EBF2: variants seen among roughly 807,000 people sequenced by gnomAD.
EBF2 encodes EBF transcription factor 2, also known as transcription factor COE2.
Under a neutral mutation model 72.8 loss-of-function variants are expected in EBF2, and 21 were observed. The observed-to-expected ratio is 0.29, with a 90% CI of 0.20 to 0.42. The LOEUF (loss-of-function observed/expected upper bound fraction) is 0.42. Ranked by LOEUF, EBF2 falls within the 10% of genes least tolerant of loss-of-function variation. The pLI, the probability that EBF2 is intolerant of heterozygous loss-of-function variation, is 1.00. For synonymous variants in EBF2, 299 were observed against 274.2 expected (o/e 1.09, Z -0.89); for missense variants, 637 against 731.2 (o/e 0.87, Z 1.49).
chr8:25,866,897 G>A (rs148759746), intron 10 of EBF2, among the ~76,000 whole-genome samples: 1 of 151,850 alleles, frequency 6.6e-6, no homozygotes, highest in African/African-American at 2.4e-5. Context: ...CTCCCAAAGC[G>A]CTGGGATTAC....
chr8:25,863,781 A>G (rs116949886), intron 10 of EBF2, among the ~76,000 whole-genome samples: 1 of 152,294 alleles, frequency 6.6e-6, no homozygotes, highest in East Asian at 1.9e-4. Context: ...GTAAAAAATT[A>G]CCATAAACCC....
intron 6 of EBF2, among the ~76,000 whole-genome samples, chr8:25,931,535 A>G (rs1160044762): frequency 6.6e-6 from 1 of 152,216 alleles, no homozygotes; most frequent in Middle Eastern, 3.2e-3. Context: ...CCTTTGATGA[A>G]TGTGGACAAA....
intron 7 of EBF2, among the ~76,000 whole-genome samples, chr8:25,891,206 AGGGGTG>A (rs1802773147): frequency 6.6e-6 from 1 of 152,170 alleles, no homozygotes; most frequent in Admixed American, 6.5e-5. Flanking sequence ...ACTGCAGATC[AGGGGTG>A]GGGGAGAAGC....
At chr8:25,861,288 G>A in intron 12 of EBF2, 21 bp downstream of exon 12, 2 of 1,614,036 alleles carry the variant, frequency 1.2e-6, no homozygotes, top group East Asian at 2.2e-5. Context: ...CTCAATAAAG[G>A]ATAGGATGTC....
intron 6 of EBF2, among the ~76,000 whole-genome samples, chr8:25,976,952 T>A (rs1804278161): frequency 6.6e-6 from 1 of 152,206 alleles, no homozygotes; most frequent in Admixed American, 6.5e-5. Flanking sequence ...CATGTTCTCT[T>A]GAGTTGCAGC....
intron 6 of EBF2, among the ~76,000 whole-genome samples, chr8:25,974,222 G>A (rs1226222134): frequency 6.6e-6 from 1 of 152,104 alleles, no homozygotes; most frequent in Non-Finnish European, 1.5e-5. Context: ...AGATGGAGTG[G>A]GCAAAACCAG....
chr8:26,020,181 A>C (rs1805182607), intron 6 of EBF2, among the ~76,000 whole-genome samples: 1 of 152,234 alleles, frequency 6.6e-6, no homozygotes, highest in Non-Finnish European at 1.5e-5. Context: ...AGAAGCCACC[A>C]TAAAAATAGA....
intron 6 of EBF2, among the ~76,000 whole-genome samples, chr8:25,971,904 C>A (rs1804196516): frequency 6.6e-6 from 1 of 152,178 alleles, no homozygotes; most frequent in African/African-American, 2.4e-5. Context: ...CCTCCAAGAA[C>A]CCTGGGCTGC....
intron 6 of EBF2, among the ~76,000 whole-genome samples, chr8:26,001,555 T>C (rs770484788): frequency 1.3e-5 from 2 of 152,140 alleles, no homozygotes; most frequent in Admixed American, 6.5e-5. Context: ...TATTTGCTTT[T>C]TTTTTTGTTT....
At chr8:25,852,799 T>G (rs896782921) in intron 14 of EBF2, among the ~76,000 whole-genome samples, 3 of 152,238 alleles carry the variant, frequency 2.0e-5, no homozygotes, top group Non-Finnish European at 4.4e-5. Context: ...TGAAAGGAAT[T>G]TTAATTTGTG....
intron 6 of EBF2, among the ~76,000 whole-genome samples, chr8:25,928,900 C>G (rs1803435182): frequency 6.6e-6 from 1 of 151,768 alleles, no homozygotes; most frequent in Admixed American, 6.6e-5. Context: ...CAAGGAGTTC[C>G]TACTTGCTAC....
chr8:25,979,785 CAA>C (rs1017844078), intron 6 of EBF2, among the ~76,000 whole-genome samples: 2 of 151,852 alleles, frequency 1.3e-5, no homozygotes, highest in African/African-American at 4.8e-5. Flanking sequence ...CATATGTCAC[CAA>C]AATAAAAACC....
At chr8:25,918,811 G>A (rs1564917) in intron 6 of EBF2, among the ~76,000 whole-genome samples, 81,028 of 151,982 alleles carry the variant, frequency 0.53, 24,045 homozygotes, top group East Asian at 0.74. Flanking sequence ...TTGTCTCCTT[G>A]TATATAACGT....
intron 6 of EBF2, among the ~76,000 whole-genome samples, chr8:25,926,451 G>A (rs993315236): frequency 2.0e-5 from 3 of 152,150 alleles, no homozygotes; most frequent in Non-Finnish European, 4.4e-5. Flanking sequence ...AGTCTCTAAG[G>A]AAATAGCTCA....
chr8:26,018,496 CAAAAAAAAAA>C (rs10555042), intron 6 of EBF2, among the ~76,000 whole-genome samples: 51 of 81,622 alleles, frequency 6.2e-4, no homozygotes, highest in African/African-American at 2.3e-3. Context: ...ACTAAAAATA[CAAAAAAAAAA>C]AAAAAAAAAA....
At chr8:25,946,804 T>G (rs1300093486) in intron 6 of EBF2, among the ~76,000 whole-genome samples, 1 of 152,190 alleles carries the variant, frequency 6.6e-6, no homozygotes, top group Non-Finnish European at 1.5e-5. Flanking sequence ...CATTTCTTTT[T>G]GTTTTTCAAT....
intron 6 of EBF2, among the ~76,000 whole-genome samples, chr8:25,963,049 A>T (rs1013710591): frequency 3.9e-5 from 6 of 152,198 alleles, no homozygotes; most frequent in African/African-American, 1.4e-4. Flanking sequence ...TCTCCAAATA[A>T]CAAGTCCAAG....
chr8:25,882,193 T>C (rs1487176369), intron 10 of EBF2, among the ~76,000 whole-genome samples: 1 of 152,114 alleles, frequency 6.6e-6, no homozygotes, highest in Non-Finnish European at 1.5e-5. Context: ...TAGACACTGC[T>C]ATGGGGTCAG....
At chr8:26,002,281 G>T (rs1236452644) in intron 6 of EBF2, among the ~76,000 whole-genome samples, 1 of 152,178 alleles carries the variant, frequency 6.6e-6, no homozygotes, top group African/African-American at 2.4e-5. Flanking sequence ...AGGGCTAGAT[G>T]GGAGACGAAT....
Sources: gnomAD v4.1 joint callset for allele counts (sites outside exome capture counted in the v4.1 genomes callset) on GRCh38, gnomAD v4.1.1 for gene constraint, MANE v1.5 for transcripts, NCBI Gene and HGNC (gene_info 2026-07-23, HGNC 2026-07-21) for gene names.